The following C11orf97 variants were observed in gnomAD, a reference collection of about 807,000 sequenced individuals.
The protein encoded by C11orf97 is uncharacterized protein C11orf97.
In C11orf97, 15 loss-of-function variants were observed where a neutral mutation model predicts 16.2. The observed-to-expected ratio is 0.93, with a 90% CI of 0.62 to 1.43. C11orf97 has a LOEUF of 1.43. C11orf97 is among the 40% of genes most tolerant of loss of function. The probability of loss-of-function intolerance (pLI) is 0.00; values close to 1 mark genes in which losing one functional copy is unlikely to be tolerated. For missense variants in C11orf97, 171 were observed against 161.2 expected (o/e 1.06, Z -0.33); for synonymous variants, 61 against 65.7 (o/e 0.93, Z 0.34).
In C11orf97 at chr11:94,531,931, C is replaced by T. The variant is rs1409815964; in HGVS notation, c.*31C>T. ...ATTAGATTTTCCATTAAGAAGGAACCTCTTTCTGCTGATGTCTGAAGAACG... is the reference window on the plus strand; with the variant it reads ...ATTAGATTTTCCATTAAGAAGGAACTTCTTTCTGCTGATGTCTGAAGAACG... On this transcript the variant is annotated 3_prime_UTR_variant, in exon 4 of 4. Coordinates refer to ENST00000542198, the MANE Select transcript of C11orf97 (RefSeq NM_001190462.2). 6.9e-7 allele frequency: 1 copy of T among 1,450,226 alleles called. No individual in the cohort carries two copies. The highest frequency in any genetic ancestry group is 9.1e-7 in the Non-Finnish European group (1 of 1,103,194). 89.8% of individuals were successfully genotyped at this position (1,450,226 alleles called of 1,614,324 possible).
At chr11:94,519,359 G>A (rs1947638796) in intron 2 of C11orf97, among the ~76,000 whole-genome samples, 1 of 152,138 alleles carries the variant, frequency 6.6e-6, no homozygotes, top group Admixed American at 6.5e-5. Context: ...TTAATGAATG[G>A]ATGCAGAATG....
intron 2 of C11orf97, among the ~76,000 whole-genome samples, chr11:94,526,287 AC>A (rs377359429): frequency 1.3e-5 from 2 of 152,268 alleles, no homozygotes; most frequent in African/African-American, 4.8e-5. Context: ...ACATCACTTC[AC>A]ATGTATGGAG....
chr11:94,524,346 A>G (rs1374272672), intron 2 of C11orf97, among the ~76,000 whole-genome samples: 1 of 152,120 alleles, frequency 6.6e-6, no homozygotes, highest in Non-Finnish European at 1.5e-5. Flanking sequence ...GGGTTCTTCT[A>G]TCTCTCTTTA....
At chr11:94,512,750 C>G (rs61893737) in intron 1 of C11orf97, 77 bp downstream of exon 1, 33,118 of 1,222,396 alleles carry the variant, frequency 0.027, 565 homozygotes, top group Non-Finnish European at 0.029. Context: ...TGGGGGAAAC[C>G]GCAGTGGGAC....
In C11orf97 at chr11:94,512,515, A is replaced by G; in HGVS notation, c.-14A>G. 2 of 1,293,510 alleles carry G rather than the reference A, an allele frequency of 1.5e-6. No individual in the cohort carries two copies. Among genetic ancestry groups the G allele is most frequent in the Non-Finnish European group, 2.0e-6 (2 of 1,020,838 alleles). The allele number at this position is 1,293,510 out of a possible 1,614,324, so 80.1% of individuals were successfully genotyped here. A position where few individuals can be genotyped will look rare whatever the true frequency, so the allele number is the denominator to read the frequency against. On this transcript the variant is annotated 5_prime_UTR_variant, in exon 1 of 4. Coordinates refer to ENST00000542198, the MANE Select transcript of C11orf97 (RefSeq NM_001190462.2). The stretch of plus-strand genomic sequence containing the variant: ...AGGAAACCGTGCCCAGGGCTCTCGG[A>G]AGACCGCTGCGGCATGACAGGCGAG...
Position 94,524,618 on chromosome 11 carries a change from C to T in C11orf97, c.251-3466C>T, listed in dbSNP as rs867520116. Among the ~76,000 whole-genome samples, 18 of 137,648 alleles carry T rather than the reference C, an allele frequency of 1.3e-4. No individual in the cohort carries two copies. The South Asian group carries it at 2.8e-3, about 22-fold the overall frequency. The allele number at this position is 137,648 out of a possible 152,430, so 90.3% of individuals were successfully genotyped here. On this transcript the variant is annotated intron_variant, in intron 2 of 3. Coordinates refer to ENST00000542198, the MANE Select transcript of C11orf97 (RefSeq NM_001190462.2). ...AAAAAAAAAAAGGGAGTGTAGTTTTCTCATCAGATCTTTTAATCAGATAGA... is the reference window on the plus strand; with the variant it reads ...AAAAAAAAAAAGGGAGTGTAGTTTTTTCATCAGATCTTTTAATCAGATAGA...
intron 2 of C11orf97, among the ~76,000 whole-genome samples, chr11:94,526,037 T>C (rs1435462823): frequency 6.6e-6 from 1 of 152,238 alleles, no homozygotes; most frequent in East Asian, 1.9e-4. Context: ...TCTTTTCTTC[T>C]AGCTTCTCCC....
At chr11:94,528,435 C>T (rs1947715440) in intron 3 of C11orf97, among the ~76,000 whole-genome samples, 1 of 152,246 alleles carries the variant, frequency 6.6e-6, no homozygotes, top group South Asian at 2.1e-4. Context: ...GAAGTTCATC[C>T]TCTGAGTTAC....
At chr11:94,518,907 C>T (rs1947635109) in intron 2 of C11orf97, among the ~76,000 whole-genome samples, 1 of 148,822 alleles carries the variant, frequency 6.7e-6, no homozygotes, top group African/African-American at 2.4e-5. Flanking sequence ...GTTGTGCCCA[C>T]TTTACATTTT....
intron 3 of C11orf97, among the ~76,000 whole-genome samples, chr11:94,531,620 T>G (rs1157591643): frequency 6.6e-6 from 1 of 151,342 alleles, no homozygotes; most frequent in South Asian, 2.1e-4. Flanking sequence ...ATTCAGACTC[T>G]GATACCATAG....
chr11:94,518,739 A>T (rs190577542), intron 2 of C11orf97, among the ~76,000 whole-genome samples: 19 of 152,340 alleles, frequency 1.2e-4, no homozygotes, highest in South Asian at 4.1e-4. Context: ...ACTCTTGGGT[A>T]TCAGCAGTTG....
intron 2 of C11orf97, among the ~76,000 whole-genome samples, chr11:94,526,550 C>T (rs1345724926): frequency 6.6e-6 from 1 of 152,204 alleles, no homozygotes; most frequent in Non-Finnish European, 1.5e-5. Context: ...CGTACTGGAT[C>T]TTCACAAAGT....
chr11:94,527,691 T>C (rs757109463), intron 2 of C11orf97, among the ~76,000 whole-genome samples: 4 of 152,252 alleles, frequency 2.6e-5, no homozygotes, highest in Non-Finnish European at 5.9e-5. Context: ...ATTAATGTAG[T>C]GATTTTTGGT....
chr11:94,522,278 G>C (rs1244234375), intron 2 of C11orf97, among the ~76,000 whole-genome samples: 2 of 152,190 alleles, frequency 1.3e-5, no homozygotes, highest in Non-Finnish European at 2.9e-5. Context: ...GCTCACGCCT[G>C]TAATCCCAGC....
chr11:94,523,626 C>CT (rs1947676934), intron 2 of C11orf97, among the ~76,000 whole-genome samples: 1 of 152,170 alleles, frequency 6.6e-6, no homozygotes, highest in Non-Finnish European at 1.5e-5. Context: ...CATTTCTGTG[C>CT]TTTTTCTCTT....
intron 1 of C11orf97, among the ~76,000 whole-genome samples, chr11:94,515,492 G>T (rs945469391): frequency 4.6e-5 from 7 of 152,082 alleles, no homozygotes; most frequent in Non-Finnish European, 8.8e-5. Context: ...CTATGGTAGA[G>T]TTTGTAGAAT....
chr11:94,514,663 T>G (rs1282681595), intron 1 of C11orf97, among the ~76,000 whole-genome samples: 3 of 107,518 alleles, frequency 2.8e-5, no homozygotes, highest in Non-Finnish European at 5.9e-5. Context: ...TTTTTTTTTT[T>G]AGACAGAGTC....
intron 2 of C11orf97, among the ~76,000 whole-genome samples, chr11:94,522,785 C>T (rs567736485): frequency 2.6e-5 from 4 of 152,034 alleles, no homozygotes; most frequent in Admixed American, 6.6e-5. Context: ...TTATTTGCCC[C>T]GCAGTATATT....
At chr11:94,525,775 G>A (rs1177828202) in intron 2 of C11orf97, among the ~76,000 whole-genome samples, 1 of 152,124 alleles carries the variant, frequency 6.6e-6, no homozygotes, top group Non-Finnish European at 1.5e-5. Context: ...AAGCTCCAAT[G>A]TTCATTATTT....
Sources: gnomAD v4.1 joint callset for allele counts (sites outside exome capture counted in the v4.1 genomes callset) on GRCh38, gnomAD v4.1.1 for gene constraint, MANE v1.5 for transcripts, NCBI Gene and HGNC (gene_info 2026-07-23, HGNC 2026-07-21) for gene names.